EPHA3: variants seen among roughly 807,000 people sequenced by gnomAD.
The protein encoded by EPHA3 is ephrin type-A receptor 3.
A neutral mutation model predicts 107.1 loss-of-function variants in EPHA3; 42 were observed. The observed-to-expected ratio is 0.39, with a 90% CI of 0.31 to 0.51. The LOEUF (loss-of-function observed/expected upper bound fraction) is 0.51. Among genes scored for constraint, EPHA3 ranks in the 20% least tolerant of loss-of-function variants. The pLI, the probability that EPHA3 is intolerant of heterozygous loss-of-function variation, is 0.78. For missense variants in EPHA3, 1,183 were observed against 1,211.2 expected (o/e 0.98, Z 0.35); for synonymous variants, 461 against 424.8 (o/e 1.09, Z -1.05).
chr3:89,350,537 T>G (rs1197561202), intron 5 of EPHA3, among the ~76,000 whole-genome samples: 1 of 149,584 alleles, frequency 6.7e-6, no homozygotes, highest in Non-Finnish European at 1.5e-5. Context: ...TTTCAAAGTT[T>G]TCAACTTCTT....
At chr3:89,390,193 A>G (rs140822381) in intron 5 of EPHA3, among the ~76,000 whole-genome samples, 2,435 of 152,086 alleles carry the variant, frequency 0.016, 68 homozygotes, top group African/African-American at 0.055. Flanking sequence ...GTTTTGCCAT[A>G]TTGGTCAAGC....
chr3:89,203,517 T>C (rs1328345074), intron 2 of EPHA3, among the ~76,000 whole-genome samples: 9 of 151,892 alleles, frequency 5.9e-5, no homozygotes, highest in Non-Finnish European at 5.9e-5. Flanking sequence ...CTCAAGCCTG[T>C]AAACCTAGCA....
chr3:89,395,909 C>T lies in EPHA3; in HGVS notation c.1379C>T (p.Pro460Leu). 6.2e-7 allele frequency: 1 copy of T among 1,614,060 alleles called. No homozygotes were observed. Among genetic ancestry groups the T allele is most frequent in the Non-Finnish European group, 8.5e-7 (1 of 1,179,972 alleles). The change falls in exon 6 of 17, where the codon CCT (proline) becomes CTT (leucine). Residue 460 changes from proline to leucine, a missense_variant. Physicochemically the swap from Pro to Leu is moderately conservative, Grantham distance 98 (BLOSUM62 -3). Transcript: ENST00000336596. ...RNSISLSWQE[P>L]EHPNGIILDY... ...AGCATCTCTTTGTCCTGGCAAGAAC[C>T]TGAACATCCTAATGGGATCATATTG...
intron 15 of EPHA3, among the ~76,000 whole-genome samples, chr3:89,459,021 C>A (rs1710160323): frequency 6.6e-6 from 1 of 152,014 alleles, no homozygotes; most frequent in African/African-American, 2.4e-5. Flanking sequence ...CACACCAGGG[C>A]CTATTGGAGG....
intron 3 of EPHA3, among the ~76,000 whole-genome samples, chr3:89,286,835 T>C (rs1706094050): frequency 6.6e-6 from 1 of 152,130 alleles, no homozygotes; most frequent in South Asian, 2.1e-4. Flanking sequence ...GAGGTATGCA[T>C]ATCAGCAAGT....
chr3:89,116,793 A>C (rs868786523), intron 1 of EPHA3, among the ~76,000 whole-genome samples: 4 of 150,596 alleles, frequency 2.7e-5, no homozygotes, highest in Middle Eastern at 3.2e-3. Flanking sequence ...CTATTGGCAT[A>C]TTTTCCATGA....
intron 3 of EPHA3, among the ~76,000 whole-genome samples, chr3:89,237,537 G>A (rs1188708601): frequency 6.6e-6 from 1 of 152,138 alleles, no homozygotes; most frequent in Non-Finnish European, 1.5e-5. Context: ...TTTTTCCTAA[G>A]AGTTTCTGCC....
At chr3:89,385,174 A>G (rs1708591309) in intron 5 of EPHA3, among the ~76,000 whole-genome samples, 1 of 152,224 alleles carries the variant, frequency 6.6e-6, no homozygotes, top group Non-Finnish European at 1.5e-5. Context: ...CTCTATATGT[A>G]TTATTTCCTA....
chr3:89,298,725 G>C (rs1361604183), intron 3 of EPHA3, among the ~76,000 whole-genome samples: 1 of 152,060 alleles, frequency 6.6e-6, no homozygotes, highest in Non-Finnish European at 1.5e-5. Flanking sequence ...CTATAAAATA[G>C]TTAAGTGTGC....
intron 5 of EPHA3, among the ~76,000 whole-genome samples, chr3:89,343,435 C>A (rs1453448934): frequency 2.0e-5 from 3 of 152,114 alleles, no homozygotes; most frequent in Non-Finnish European, 4.4e-5. Flanking sequence ...TGAGTAGTCC[C>A]CTAAGCTCAG....
chr3:89,388,502 A>G (rs1253168163), intron 5 of EPHA3, among the ~76,000 whole-genome samples: 5 of 152,328 alleles, frequency 3.3e-5, no homozygotes, highest in Admixed American at 6.5e-5. Context: ...GATTTTGGAG[A>G]CTAATGAGTA....
chr3:89,362,794 A>G (rs1263803403), intron 5 of EPHA3, among the ~76,000 whole-genome samples: 1 of 151,036 alleles, frequency 6.6e-6, no homozygotes, highest in Non-Finnish European at 1.5e-5. Context: ...TCACAGCACA[A>G]TGAGAACCAA....
chr3:89,391,710 G>A lies in EPHA3; in HGVS notation c.1307-4127G>A, dbSNP rs140807930. Among the ~76,000 whole-genome samples the A allele has an allele frequency of 5.1e-3, 769 of 151,956 alleles. 2 individuals are homozygous for A. The highest frequency in any genetic ancestry group is 0.01 in the Middle Eastern group (3 of 294). On this transcript the variant is annotated intron_variant, in intron 5 of 16. Transcript: ENST00000336596. The stretch of plus-strand genomic sequence containing the variant: ...GGCCTCCCAAAGTGCTGGGATTACA[G>A]GCGTGAGCCACCGCGCCCGGCCTAT...
intron 5 of EPHA3, among the ~76,000 whole-genome samples, chr3:89,386,702 C>A (rs757033360): frequency 1.3e-5 from 2 of 152,114 alleles, no homozygotes; most frequent in African/African-American, 4.8e-5. Context: ...TGACAGCTTG[C>A]GTTGGATGCA....
chr3:89,354,729 C>T (rs1452057084), intron 5 of EPHA3, among the ~76,000 whole-genome samples: 1 of 151,034 alleles, frequency 6.6e-6, no homozygotes, highest in Non-Finnish European at 1.5e-5. Flanking sequence ...CACTGCACTC[C>T]AGTCCTTTAT....
At chr3:89,111,380 A>G (rs1707103336) in intron 1 of EPHA3, among the ~76,000 whole-genome samples, 2 of 152,092 alleles carry the variant, frequency 1.3e-5, no homozygotes, top group Non-Finnish European at 2.9e-5. Flanking sequence ...TATCATCTTT[A>G]TAAGTTTTTT....
At chr3:89,255,361 T>A (rs917687900) in intron 3 of EPHA3, among the ~76,000 whole-genome samples, 3 of 152,238 alleles carry the variant, frequency 2.0e-5, no homozygotes, top group Admixed American at 1.3e-4. Flanking sequence ...GTCTGTTCAT[T>A]TGGGACTTCC....
At chr3:89,196,428 A>C (rs1705837998) in intron 2 of EPHA3, among the ~76,000 whole-genome samples, 1 of 111,788 alleles carries the variant, frequency 8.9e-6, no homozygotes, top group South Asian at 3.0e-4. Context: ...AGAGATTTCA[A>C]GTCATAGATT....
At chr3:89,176,234 C>G (rs371720520) in intron 2 of EPHA3, among the ~76,000 whole-genome samples, 1 of 152,050 alleles carries the variant, frequency 6.6e-6, no homozygotes, top group Admixed American at 6.6e-5. Flanking sequence ...GTAATCACAG[C>G]ACTTCAGGAG....
Sources: gnomAD v4.1 joint callset for allele counts (sites outside exome capture counted in the v4.1 genomes callset) on GRCh38, gnomAD v4.1.1 for gene constraint, MANE v1.5 for transcripts, NCBI Gene and HGNC (gene_info 2026-07-23, HGNC 2026-07-21) for gene names.